The following IFT140 variants were observed in gnomAD, a reference collection of about 807,000 sequenced individuals.
IFT140 encodes intraflagellar transport protein 140 homolog.
A neutral mutation model predicts 164.6 loss-of-function variants in IFT140; 133 were observed. The ratio of observed to expected loss-of-function variants is 0.81; its 90% CI spans 0.70 to 0.93. IFT140 has a LOEUF of 0.93. Among genes scored for constraint, IFT140 ranks in the 40% least tolerant of loss-of-function variants. The pLI, the probability that IFT140 is intolerant of heterozygous loss-of-function variation, is 0.00. For synonymous variants in IFT140, 860 were observed against 817.3 expected (o/e 1.05, Z -0.89); for missense variants, 2,045 against 1,972.3 (o/e 1.04, Z -0.70).
chr16:1,555,975 G>A (rs887274318), intron 19 of IFT140, among the ~76,000 whole-genome samples: 52 of 151,990 alleles, frequency 3.4e-4, no homozygotes, highest in Non-Finnish European at 7.1e-4. Flanking sequence ...GCGTGGTGGC[G>A]GGTGCCTGTA....
chr16:1,569,373 G>C (rs770506042), intron 14 of IFT140, among the ~76,000 whole-genome samples: 1 of 151,872 alleles, frequency 6.6e-6, no homozygotes, highest in East Asian at 1.9e-4. Context: ...CATATCATTC[G>C]GACTCACACT....
At chr16:1,585,068 G>T (rs1037761827) in intron 10 of IFT140, among the ~76,000 whole-genome samples, 1 of 152,120 alleles carries the variant, frequency 6.6e-6, no homozygotes, top group African/African-American at 2.4e-5. Context: ...GTAGAGAACA[G>T]GAACAGAGAG....
intron 19 of IFT140, among the ~76,000 whole-genome samples, chr16:1,539,992 G>C (rs2031475552): frequency 1.3e-5 from 2 of 152,222 alleles, no homozygotes; most frequent in Admixed American, 1.3e-4. Context: ...CCAGGAAGGA[G>C]AGCTCCCTCC....
At chr16:1,526,458 T>C in intron 20 of IFT140, 161 bp downstream of exon 20, 1 of 802,882 alleles carries the variant, frequency 1.2e-6, no homozygotes, top group Non-Finnish European at 1.9e-6. Context: ...CCACCTCACC[T>C]CCACCGCCGC....
In IFT140 at chr16:1,580,832, G is replaced by A. The variant is rs758052634; in HGVS notation, c.1451C>T (p.Thr484Met). ...IRSAGTFLCE[T>M]PVLAMHEENV... is the part of the protein sequence containing the mutation. ...TTCTTCATGCATTGCTAACACAGGC[G>A]TCTCACACAAGAAGGTCCCTAAAAT... The change falls in exon 13 of 31, where the codon ACG becomes ATG. Residue 484 changes from threonine to methionine, a missense_variant. Thr to Met is a moderately conservative substitution (Grantham distance 81, BLOSUM62 -1). Transcript: ENST00000426508. The A allele has an allele frequency of 1.2e-5, 20 of 1,613,176 alleles. No homozygotes were observed. Among genetic ancestry groups the A allele is most frequent in the East Asian group, 6.7e-5 (3 of 44,876 alleles).
At chr16:1,546,233 C>T (rs1266674617) in intron 19 of IFT140, among the ~76,000 whole-genome samples, 2 of 152,224 alleles carry the variant, frequency 1.3e-5, no homozygotes, top group Non-Finnish European at 2.9e-5. Flanking sequence ...TGGCACCTGA[C>T]GCCTGAGTGG....
Position 1,596,608 on chromosome 16 carries a change from G to A in IFT140, c.370-4020C>T, listed in dbSNP as rs976052842. 7.2e-5 allele frequency among the ~76,000 whole-genome samples: 11 copies of A among 152,298 alleles called. No homozygotes were observed. In the South Asian group the frequency reaches 2.3e-3, roughly 32 times the overall value. Reference sequence around the variant, plus strand: ...CCCTCGTTCTGAGAGAGGGACAGATGTCTACTATCAAGAGCTCAACTTCCA... The same window carrying A: ...CCCTCGTTCTGAGAGAGGGACAGATATCTACTATCAAGAGCTCAACTTCCA... On this transcript the variant is annotated intron_variant, in intron 4 of 30. Transcript: ENST00000426508.
At position 1,602,589 on chromosome 16, in the gene IFT140, C is replaced by G. The variant is rs1257577001; in HGVS notation, c.150G>C (p.Gly50=). 1.2e-6 allele frequency: 2 copies of G among 1,610,696 alleles called. No individual in the cohort carries two copies. The highest frequency in any genetic ancestry group is 1.7e-6 in the Non-Finnish European group (2 of 1,179,874). ...CGACGTGTGTATCTGGCACGCACTC[C>G]CCCTGCATTGGATGAGAGGCAAATT... ...TGSVDIYLEQ[G]ECVPDTHVER... Residue 50 remains glycine, a splice_region_variant and synonymous_variant, in exon 4 of 31, where the codon GGG becomes GGC. Coordinates refer to ENST00000426508, the MANE Select transcript of IFT140 (RefSeq NM_014714.4).
At chr16:1,600,440 A>C (rs1433626686) in intron 4 of IFT140, among the ~76,000 whole-genome samples, 1 of 111,158 alleles carries the variant, frequency 9.0e-6, no homozygotes, top group Non-Finnish European at 1.7e-5. Flanking sequence ...AACACCCAAG[A>C]ATTATCAATA....
Position 1,578,789 on chromosome 16 carries a change from G to A in IFT140, c.1524+1970C>T, listed in dbSNP as rs555084113. 2.0e-4 allele frequency among the ~76,000 whole-genome samples: 31 copies of A among 152,278 alleles called. 1 individual carries two copies. In the South Asian group the frequency reaches 5.0e-3, roughly 24 times the overall value. ...GACAGTGGTGCAATCATAGCTTACCGAAGCCTTGACTGCCCAGGCTCAAGC... is the reference window on the plus strand; with the variant it reads ...GACAGTGGTGCAATCATAGCTTACCAAAGCCTTGACTGCCCAGGCTCAAGC... On this transcript the variant is annotated intron_variant, in intron 13 of 30. Transcript: ENST00000426508.
At chr16:1,526,992 C>A in intron 19 of IFT140, 196 bp from the exon 20 acceptor site, 1 of 572,034 alleles carries the variant, frequency 1.7e-6, no homozygotes, top group Non-Finnish European at 3.0e-6. Flanking sequence ...AGTCCCACGG[C>A]CTTCCTAACC....
intron 19 of IFT140, chr16:1,532,168 G>C (rs1468483503): frequency 6.6e-6 from 1 of 152,288 alleles, no homozygotes; most frequent in Non-Finnish European, 1.5e-5. Flanking sequence ...AGCCACCCGG[G>C]AGAGTGGGGG....
intron 4 of IFT140, among the ~76,000 whole-genome samples, chr16:1,593,353 T>C (rs1002698181): frequency 6.6e-6 from 1 of 151,744 alleles, no homozygotes; most frequent in East Asian, 1.9e-4. Context: ...ACTTTGTCAC[T>C]CAGGCTGGAG....
intron 19 of IFT140, among the ~76,000 whole-genome samples, chr16:1,541,759 G>C (rs553062213): frequency 1.3e-5 from 2 of 152,200 alleles, no homozygotes; most frequent in African/African-American, 4.8e-5. Context: ...GGCAGGTGAG[G>C]GGGAGGGCGT....
rs753478079 is a variant in IFT140, at chr16:1,583,408, C to A, written c.1360-22G>T. ...CATCCTGAAAAGAACCACGGACATT[C>A]GAGGCAAAGGGCGGGAAAAGTGAGG... On this transcript the variant is annotated intron_variant, in intron 11 of 30. Transcript: ENST00000426508. 5.6e-6 allele frequency: 9 copies of A among 1,611,938 alleles called. No individual in the cohort carries two copies. In the East Asian group the frequency reaches 1.3e-4, roughly 24 times the overall value.
chr16:1,534,677 G>A, intron 19 of IFT140: 2 of 1,410,736 alleles, frequency 1.4e-6, no homozygotes, highest in South Asian at 2.4e-5. Flanking sequence ...CCCTGAGCGT[G>A]GCCTCTGGGC....
intron 13 of IFT140, among the ~76,000 whole-genome samples, chr16:1,573,076 G>C (rs552595396): frequency 8.5e-5 from 13 of 152,202 alleles, no homozygotes; most frequent in Non-Finnish European, 1.8e-4. Context: ...AAAGGGGCAG[G>C]AGCCTGCACA....
Position 1,533,906 on chromosome 16 carries a change from C to T in IFT140, c.2400-7110G>A, listed in dbSNP as rs893542393. 9.9e-6 allele frequency: 3 copies of T among 303,864 alleles called. No individual in the cohort carries two copies. Among genetic ancestry groups the T allele is most frequent in the African/African-American group, 4.6e-5 (2 of 43,740 alleles). The allele number at this position is 303,864 out of a possible 1,614,324, so 18.8% of individuals were successfully genotyped here. On this transcript the variant is annotated intron_variant, in intron 19 of 30. Transcript: ENST00000426508. This position sits in a 1 kb window ranked among gnomAD's most constrained non-coding sequence, Gnocchi z 4.7. ...TCGACTCCCACTGCTGCCGGCCTCC[C>T]GAGTGACTCTGTTTTCCACTGCTGC...
intron 19 of IFT140, among the ~76,000 whole-genome samples, chr16:1,556,452 A>C (rs537484210): frequency 6.9e-4 from 105 of 152,372 alleles, no homozygotes; most frequent in South Asian, 3.1e-3. Flanking sequence ...CAAAAGGAGA[A>C]ACTGCTGTGA....
Sources: gnomAD v4.1 joint callset for allele counts (sites outside exome capture counted in the v4.1 genomes callset) on GRCh38, gnomAD v4.1.1 for gene constraint, Gnocchi (gnomAD v3.1) non-coding constraint, MANE v1.5 for transcripts, NCBI Gene and HGNC (gene_info 2026-07-23, HGNC 2026-07-21) for gene names.